Variants in CNTN5 observed in about 807,000 individuals in gnomAD.
CNTN5 encodes contactin 5.
Under a neutral mutation model 129.1 loss-of-function variants are expected in CNTN5, and 77 were observed. That is an observed-to-expected ratio of 0.60 (90% CI 0.50 to 0.72). CNTN5 has a LOEUF of 0.72. Ranked by LOEUF, CNTN5 falls within the 30% of genes least tolerant of loss-of-function variation. CNTN5 has a pLI of 0.00. For missense variants in CNTN5, 1,478 were observed against 1,328.8 expected, an observed-to-expected ratio of 1.11 and a Z score of -1.75; for synonymous variants, 509 against 465.6, an observed-to-expected ratio of 1.09 and a Z score of -1.20.
intron 9 of CNTN5, among the ~76,000 whole-genome samples, chr11:100,055,450 G>A (rs750577711): frequency 6.6e-6 from 1 of 151,430 alleles, no homozygotes; most frequent in Non-Finnish European, 1.5e-5. Flanking sequence ...TTCTTGAAGT[G>A]TATATCCTTT....
At chr11:99,954,452 C>T (rs143615699) in intron 7 of CNTN5, among the ~76,000 whole-genome samples, 252 of 152,180 alleles carry the variant, frequency 1.7e-3, no homozygotes, top group South Asian at 0.01. Context: ...TGTTTACCAC[C>T]GAATAAGATC....
chr11:100,355,352 A>T (rs1952497859), intron 24 of CNTN5, among the ~76,000 whole-genome samples: 1 of 151,682 alleles, frequency 6.6e-6, no homozygotes, highest in Non-Finnish European at 1.5e-5. Context: ...AATCATACAC[A>T]TAGAGCTATC....
intron 9 of CNTN5, among the ~76,000 whole-genome samples, chr11:100,025,933 T>C (rs1344614147): frequency 6.6e-6 from 1 of 152,196 alleles, no homozygotes; most frequent in Non-Finnish European, 1.5e-5. Context: ...ACTTTTGGGT[T>C]AATGGTAGAA....
chr11:100,276,527 CAAAAAAAAAAA>C (rs56774234), intron 18 of CNTN5, among the ~76,000 whole-genome samples: 1 of 70,072 alleles, frequency 1.4e-5, no homozygotes, highest in Admixed American at 2.1e-4. Context: ...GAGACTCTCT[CAAAAAAAAAAA>C]AAAAAAAAAA....
intron 1 of CNTN5, among the ~76,000 whole-genome samples, chr11:99,073,826 C>T (rs1248824038): frequency 6.6e-6 from 1 of 152,092 alleles, no homozygotes; most frequent in African/African-American, 2.4e-5. Flanking sequence ...AATAGTGCTG[C>T]AGTAAACATA....
At chr11:100,284,703 C>A (rs779062772) in intron 18 of CNTN5, among the ~76,000 whole-genome samples, 1 of 152,070 alleles carries the variant, frequency 6.6e-6, no homozygotes, top group South Asian at 2.1e-4. Flanking sequence ...TAGTTAACTA[C>A]GTAACTTGTC....
At chr11:99,153,092 A>G (rs1036220931) in intron 1 of CNTN5, among the ~76,000 whole-genome samples, 1 of 152,064 alleles carries the variant, frequency 6.6e-6, no homozygotes, top group Non-Finnish European at 1.5e-5. Flanking sequence ...TTTTGTTTTG[A>G]CATTGGAGAA....
intron 13 of CNTN5, among the ~76,000 whole-genome samples, chr11:100,178,529 T>C (rs17094525): frequency 0.038 from 5,714 of 152,288 alleles, 366 homozygotes; most frequent in African/African-American, 0.13. Flanking sequence ...TAGGACTTTA[T>C]GGACAAAGAT....
chr11:100,324,622 A>T (rs960932631), intron 21 of CNTN5, among the ~76,000 whole-genome samples: 2 of 152,210 alleles, frequency 1.3e-5, no homozygotes, highest in African/African-American at 2.4e-5. Flanking sequence ...AATATGAAGA[A>T]GGCAACTAAT....
intron 3 of CNTN5, among the ~76,000 whole-genome samples, chr11:99,615,484 G>A (rs1047963613): frequency 3.3e-5 from 5 of 152,040 alleles, no homozygotes; most frequent in Admixed American, 6.6e-5. Flanking sequence ...CCTATATTTG[G>A]ATGAATAGTG....
chr11:100,130,338 G>A (rs530013851), intron 13 of CNTN5, among the ~76,000 whole-genome samples: 49 of 152,248 alleles, frequency 3.2e-4, no homozygotes, highest in African/African-American at 1.1e-3. Flanking sequence ...AGGCATTGGA[G>A]AGGTACTTGC....
intron 9 of CNTN5, among the ~76,000 whole-genome samples, chr11:100,053,649 GAAA>G (rs1183179931): frequency 1.3e-5 from 2 of 151,660 alleles, no homozygotes; most frequent in East Asian, 3.9e-4. Context: ...AGGTACAATG[GAAA>G]AATAGTCTGG....
intron 3 of CNTN5, among the ~76,000 whole-genome samples, chr11:99,789,930 G>T (rs1294959248): frequency 6.6e-6 from 1 of 151,866 alleles, no homozygotes; most frequent in East Asian, 1.9e-4. Flanking sequence ...CTATCTCCCT[G>T]CTTCTCTCCT....
rs147569973 is a variant in CNTN5 at position 100,231,636 on chromosome 11, T to C, written c.2005+6824T>C. Among the ~76,000 whole-genome samples, 27 of 152,256 alleles carry C rather than the reference T, an allele frequency of 1.8e-4. No individual in the cohort carries two copies. In the East Asian group the frequency reaches 4.4e-3, roughly 25 times the overall value. On this transcript the variant is annotated intron_variant, in intron 16 of 24. Transcript: ENST00000524871. ...GAAGATAAATTTTGTGGTCCCCTAA[T>C]AGAGAATGATCATGCAATCATAGTC...
chr11:99,463,015 G>A (rs929032263), intron 2 of CNTN5, among the ~76,000 whole-genome samples: 1 of 151,950 alleles, frequency 6.6e-6, no homozygotes, highest in African/African-American at 2.4e-5. Flanking sequence ...GGCTGAGGCA[G>A]GAGAATTGCT....
intron 16 of CNTN5, among the ~76,000 whole-genome samples, chr11:100,230,155 T>C (rs1218775704): frequency 6.6e-6 from 1 of 152,204 alleles, no homozygotes; most frequent in African/African-American, 2.4e-5. Context: ...ACATAATTAT[T>C]TTTCAATATT....
At chr11:99,802,616 G>A (rs536900204) in intron 3 of CNTN5, among the ~76,000 whole-genome samples, 1 of 152,174 alleles carries the variant, frequency 6.6e-6, no homozygotes, top group Non-Finnish European at 1.5e-5. Context: ...CAAGAGGCCT[G>A]GAGGTCTGCC....
chr11:99,282,901 T>C (rs901241862), intron 1 of CNTN5, among the ~76,000 whole-genome samples: 4 of 152,064 alleles, frequency 2.6e-5, no homozygotes, highest in Non-Finnish European at 5.9e-5. Flanking sequence ...TAGATGGCTA[T>C]AGTCTTGGGC....
intron 2 of CNTN5, among the ~76,000 whole-genome samples, chr11:99,334,339 A>G (rs775017769): frequency 6.6e-6 from 1 of 152,264 alleles, no homozygotes; most frequent in Non-Finnish European, 1.5e-5. Flanking sequence ...AGCATATTAA[A>G]TAATTCTACT....
Sources: gnomAD v4.1 joint callset for allele counts (sites outside exome capture counted in the v4.1 genomes callset) on GRCh38, gnomAD v4.1.1 for gene constraint, MANE v1.5 for transcripts, NCBI Gene and HGNC (gene_info 2026-07-23, HGNC 2026-07-21) for gene names.